Variants in MCCC1 observed in about 807,000 individuals in gnomAD.
The protein encoded by MCCC1 is methylcrotonoyl-CoA carboxylase subunit alpha, mitochondrial.
A neutral mutation model predicts 83.8 loss-of-function variants in MCCC1; 64 were observed. The observed-to-expected ratio is 0.76, with a 90% CI of 0.62 to 0.94. MCCC1 has a LOEUF of 0.94. Among genes scored for constraint, MCCC1 ranks in the 40% least tolerant of loss-of-function variants. MCCC1 has a pLI of 0.00. For synonymous variants in MCCC1, 322 were observed against 315.4 expected, an observed-to-expected ratio of 1.02 and a Z score of -0.22; for missense variants, 807 against 904.7, an observed-to-expected ratio of 0.89 and a Z score of 1.39.
upstream of MCCC1, among the ~76,000 whole-genome samples, chr3:183,102,950 C>A (rs77723430): frequency 1.2e-3 from 182 of 151,554 alleles, 2 homozygotes; most frequent in East Asian, 0.019. Flanking sequence ...CTGCACCTAG[C>A]TCATTTTTTG....
At chr3:183,086,104 T>C (rs1019636189) in intron 4 of MCCC1, among the ~76,000 whole-genome samples, 5 of 152,218 alleles carry the variant, frequency 3.3e-5, no homozygotes, top group Admixed American at 2.6e-4. Flanking sequence ...GTGGAACTAA[T>C]TCCTAAACTA....
At chr3:183,055,402 T>G (rs1448992110) in intron 8 of MCCC1, among the ~76,000 whole-genome samples, 2 of 150,454 alleles carry the variant, frequency 1.3e-5, no homozygotes, top group Admixed American at 1.3e-4. Flanking sequence ...AGAGCGAAAC[T>G]CCATCTCAAA....
In MCCC1 at chr3:183,088,443, G is replaced by T. The variant is rs920678002; in HGVS notation, c.274-1655C>A. On this transcript the variant is annotated intron_variant, in intron 3 of 18. Transcript: ENST00000265594. The stretch of plus-strand genomic sequence containing the variant: ...GCTAATCTCAAACTCCTGACCTCAG[G>T]TGATCTGCCTGCCTGGGCCTCTCAA... Among the ~76,000 whole-genome samples the T allele has an allele frequency of 1.8e-4, 27 of 152,140 alleles. 1 individual carries two copies. The highest frequency in any genetic ancestry group is 5.9e-5 in the Non-Finnish European group (4 of 68,030).
chr3:183,097,833 G>A (rs1718851238), intron 1 of MCCC1, among the ~76,000 whole-genome samples: 2 of 152,194 alleles, frequency 1.3e-5, no homozygotes, highest in Non-Finnish European at 2.9e-5. Context: ...GTACTATCCT[G>A]AAGAGCCCTG....
At chr3:183,031,530 C>T (rs902311897) in intron 14 of MCCC1, among the ~76,000 whole-genome samples, 2 of 142,170 alleles carry the variant, frequency 1.4e-5, no homozygotes, top group Non-Finnish European at 3.0e-5. Context: ...CAGGGTCCCG[C>T]TCTGTCGCCC....
chr3:183,050,337 C>T (rs954838825), intron 9 of MCCC1, among the ~76,000 whole-genome samples: 1 of 152,094 alleles, frequency 6.6e-6, no homozygotes, highest in East Asian at 1.9e-4. Flanking sequence ...TTTTTATATA[C>T]AACACCAAAG....
chr3:183,030,716 C>T (rs890306349), intron 14 of MCCC1, among the ~76,000 whole-genome samples: 1 of 150,820 alleles, frequency 6.6e-6, no homozygotes, highest in African/African-American at 2.4e-5. Context: ...AACATACACA[C>T]TTCCAAATGG....
chr3:183,035,983 C>T (rs559750936), intron 13 of MCCC1, among the ~76,000 whole-genome samples: 86 of 140,888 alleles, frequency 6.1e-4, no homozygotes, highest in African/African-American at 2.0e-3. Flanking sequence ...CCCCTCCCCC[C>T]ACCCCACGAC....
At chr3:183,078,358 A>T (rs918638536) in intron 4 of MCCC1, among the ~76,000 whole-genome samples, 1 of 152,198 alleles carries the variant, frequency 6.6e-6, no homozygotes, top group African/African-American at 2.4e-5. Context: ...CCTACAAAAT[A>T]GTTACATAAG....
chr3:183,025,359 G>A (rs544732355), intron 15 of MCCC1, among the ~76,000 whole-genome samples: 9 of 152,266 alleles, frequency 5.9e-5, no homozygotes, highest in African/African-American at 2.2e-4. Flanking sequence ...TGTCTAAATG[G>A]TAAATATCAA....
intron 10 of MCCC1, among the ~76,000 whole-genome samples, chr3:183,044,178 GATATACAAGGAACCACGAATCCTAC>G (rs1193266143): frequency 6.6e-6 from 1 of 152,016 alleles, no homozygotes; most frequent in African/African-American, 2.4e-5. Context: ...TTAGATGCAG[GATATACAAGGAACCACGAATCCTAC>G]ATATATCAGG....
At chr3:183,103,740 G>C (rs1301323216), upstream of MCCC1, among the ~76,000 whole-genome samples, 1 of 152,218 alleles carries the variant, frequency 6.6e-6, no homozygotes, top group Admixed American at 6.5e-5. Flanking sequence ...CCCGCGCCGT[G>C]CGCCCGCACT....
chr3:183,099,582 G>GA, upstream of MCCC1: 1 of 933,416 alleles, frequency 1.1e-6, no homozygotes, highest in East Asian at 2.7e-5. Flanking sequence ...GCTGATCCAA[G>GA]AATGTGAGGG....
At chr3:183,047,602 T>C (rs1000265287) in intron 9 of MCCC1, among the ~76,000 whole-genome samples, 13 of 148,200 alleles carry the variant, frequency 8.8e-5, no homozygotes, top group African/African-American at 3.0e-4. Flanking sequence ...CAAGAACAGA[T>C]AGATAATGTA....
intron 1 of MCCC1, among the ~76,000 whole-genome samples, chr3:183,097,662 G>A (rs1577372950): frequency 6.6e-6 from 1 of 152,128 alleles, no homozygotes; most frequent in Non-Finnish European, 1.5e-5. Context: ...CCACAGTGCT[G>A]AGAAACTGCT....
intron 7 of MCCC1, among the ~76,000 whole-genome samples, chr3:183,057,904 A>G (rs543065846): frequency 1.1e-4 from 17 of 152,330 alleles, no homozygotes; most frequent in Non-Finnish European, 1.5e-4. Context: ...GTAAAACTCA[A>G]TGAAAATGTT....
intron 3 of MCCC1, chr3:183,091,022 G>C (rs138887460): frequency 6.9e-4 from 316 of 456,668 alleles, no homozygotes; most frequent in African/African-American, 5.1e-3. Context: ...GTGAAATCAA[G>C]ATCATCCTGC....
chr3:183,107,164 G>A (rs1719419091), intron 1 of MCCC1, among the ~76,000 whole-genome samples: 1 of 152,008 alleles, frequency 6.6e-6, no homozygotes, highest in Non-Finnish European at 1.5e-5. Flanking sequence ...CAGCACTTTG[G>A]GAGGCTGAGG....
At chr3:183,046,761 T>C (rs866559887) in intron 9 of MCCC1, among the ~76,000 whole-genome samples, 25 of 152,286 alleles carry the variant, frequency 1.6e-4, no homozygotes, top group South Asian at 4.1e-4. Flanking sequence ...TGCCACTCTG[T>C]CCTATCAAGT....
Sources: gnomAD v4.1 joint callset for allele counts (sites outside exome capture counted in the v4.1 genomes callset) on GRCh38, gnomAD v4.1.1 for gene constraint, MANE v1.5 for transcripts, NCBI Gene and HGNC (gene_info 2026-07-23, HGNC 2026-07-21) for gene names.